Variants in SASH1 observed in about 807,000 individuals in gnomAD.
SASH1 encodes SAM and SH3 domain containing 1.
A neutral mutation model predicts 125.2 loss-of-function variants in SASH1; 44 were observed. The observed-to-expected ratio is 0.35, with a 90% confidence interval of 0.28 to 0.45. The LOEUF (loss-of-function observed/expected upper bound fraction) is 0.45, where lower values mean the gene tolerates loss of function less well. Ranked by LOEUF, SASH1 falls within the 20% of genes least tolerant of loss-of-function variation. The pLI is 1.00. For missense variants in SASH1, 1,426 were observed against 1,614.5 expected (o/e 0.88, Z 2.00); for synonymous variants, 639 against 649.1 (o/e 0.98, Z 0.24).
chr6:148,259,596 C>T, the SASH1 span, among the ~76,000 whole-genome samples: 2 of 152,182 alleles, frequency 1.3e-5, no homozygotes, highest in Non-Finnish European at 2.9e-5. Context: ...AGGGCTAGGT[C>T]TGTCCTGCTC....
At chr6:148,471,396 T>G in intron 5 of SASH1, 21 bp from the exon 6 acceptor site, 1 of 1,232,280 alleles carries the variant, frequency 8.1e-7, no homozygotes, top group East Asian at 2.6e-5. Flanking sequence ...CTTTTTTTTT[T>G]TTTTTTTTTT....
chr6:148,256,761 T>C, the SASH1 span, among the ~76,000 whole-genome samples: 1 of 152,216 alleles, frequency 6.6e-6, no homozygotes, highest in Non-Finnish European at 1.5e-5. Context: ...ATCTTGATTA[T>C]GGTATGACTA....
In SASH1 at chr6:148,519,597, G is replaced by A. The variant is rs1050414808; in HGVS notation, c.913G>A (p.Ala305Thr). 7.4e-6 allele frequency: 12 copies of A among 1,614,014 alleles called. No individual in the cohort carries two copies. The highest frequency in any genetic ancestry group is 4.4e-5 in the South Asian group (4 of 91,086). The change falls in exon 10 of 20, where the codon GCC becomes ACC. Residue 305 changes from alanine (A) to threonine (T), a missense_variant. Around this residue, in one of 3 missense-constraint regions of SASH1, gnomAD observed 567 missense variants for 575.6 expected, o/e 0.99. Transcript: ENST00000367467. This position sits in a 1 kb window ranked among gnomAD's most constrained non-coding sequence, Gnocchi z 4.8. ...TTCGCCGGTCCTGGATGAACGGTCC[G>A]CCCTCTACTCTGGCGTGCACAAGAA... Reference protein sequence around the residue: ...ENSPVLDERSALYSGVHKKPL... With the variant: ...ENSPVLDERSTLYSGVHKKPL...
chr6:148,247,696 A>G, the SASH1 span, among the ~76,000 whole-genome samples: 1 of 152,242 alleles, frequency 6.6e-6, no homozygotes, highest in Non-Finnish European at 1.5e-5. Flanking sequence ...ATAAACCTTT[A>G]TGAGTAAAAA....
chr6:148,242,091 A>G, the SASH1 span, among the ~76,000 whole-genome samples: 1 of 152,238 alleles, frequency 6.6e-6, no homozygotes, highest in South Asian at 2.1e-4. Context: ...CCACACACGG[A>G]CATCGTAAGA....
chr6:148,334,533 C>T (rs1485100709), intron 1 of SASH1, among the ~76,000 whole-genome samples: 6 of 151,238 alleles, frequency 4.0e-5, no homozygotes, highest in African/African-American at 1.5e-4. Context: ...AATTCGAGGC[C>T]GGGTGCAGTG....
intron 2 of SASH1, among the ~76,000 whole-genome samples, chr6:148,406,874 G>A (rs1784398973): frequency 6.6e-6 from 1 of 151,548 alleles, no homozygotes; most frequent in Non-Finnish European, 1.5e-5. Flanking sequence ...CTCCAAGGGA[G>A]GAGCAGAGAG....
chr6:148,214,970 G>T, the SASH1 span, among the ~76,000 whole-genome samples: 1 of 152,182 alleles, frequency 6.6e-6, no homozygotes. Context: ...CTGGTAGATG[G>T]ATGTAGAAGA....
intron 8 of SASH1, among the ~76,000 whole-genome samples, chr6:148,498,529 T>C (rs1254022077): frequency 6.6e-6 from 1 of 152,204 alleles, no homozygotes; most frequent in Non-Finnish European, 1.5e-5. Flanking sequence ...TAAGATAGAT[T>C]ACGGATACAA....
At chr6:148,222,853 A>G in the SASH1 span, among the ~76,000 whole-genome samples, 2 of 151,916 alleles carry the variant, frequency 1.3e-5, no homozygotes, top group Non-Finnish European at 2.9e-5. Flanking sequence ...AAACAAGGGA[A>G]TGGAAACTTC....
At chr6:148,486,828 G>A (rs1476266154) in intron 7 of SASH1, among the ~76,000 whole-genome samples, 1 of 147,500 alleles carries the variant, frequency 6.8e-6, no homozygotes, top group East Asian at 2.0e-4. Flanking sequence ...GGGATGCTGG[G>A]GTGGGATCGC....
intron 7 of SASH1, among the ~76,000 whole-genome samples, chr6:148,481,979 G>C (rs559513416): frequency 6.6e-6 from 1 of 152,122 alleles, no homozygotes; most frequent in African/African-American, 2.4e-5. Context: ...AATGAGGTGC[G>C]GCTGTACCAA....
intron 1 of SASH1, among the ~76,000 whole-genome samples, chr6:148,311,918 T>A (rs1323667468): frequency 6.6e-6 from 1 of 152,206 alleles, no homozygotes; most frequent in Non-Finnish European, 1.5e-5. Flanking sequence ...GGTAAACAGG[T>A]AAACTCTGGT....
intron 1 of SASH1, among the ~76,000 whole-genome samples, chr6:148,350,733 G>T (rs1050002650): frequency 6.6e-6 from 1 of 152,198 alleles, no homozygotes; most frequent in Non-Finnish European, 1.5e-5. Flanking sequence ...GAATCTAAAT[G>T]GACAGAGACT....
chr6:148,394,373 T>A (rs1443575714), intron 2 of SASH1, among the ~76,000 whole-genome samples: 1 of 152,346 alleles, frequency 6.6e-6, no homozygotes, highest in South Asian at 2.1e-4. Flanking sequence ...GATACAACAC[T>A]GTTAACCTAC....
chr6:148,498,381 G>T (rs540645047), intron 8 of SASH1, among the ~76,000 whole-genome samples: 1 of 151,494 alleles, frequency 6.6e-6, no homozygotes, highest in African/African-American at 2.4e-5. Flanking sequence ...AGCCTGGGTG[G>T]CAGAGCAAGA....
chr6:148,290,572 C>G (rs563542543), intron 1 of SASH1, among the ~76,000 whole-genome samples: 6 of 152,130 alleles, frequency 3.9e-5, no homozygotes, highest in African/African-American at 1.4e-4. Context: ...TGCCACTGCA[C>G]TCCAGCCTGG....
chr6:148,275,550 C>T (rs1779161897), intron 1 of SASH1, among the ~76,000 whole-genome samples: 1 of 152,196 alleles, frequency 6.6e-6, no homozygotes, highest in African/African-American at 2.4e-5. Context: ...CCACAAACCC[C>T]TCTAAGAAAA....
At chr6:148,354,539 A>C (rs1436529458) in intron 1 of SASH1, among the ~76,000 whole-genome samples, 1 of 151,820 alleles carries the variant, frequency 6.6e-6, no homozygotes, top group South Asian at 2.1e-4. Context: ...GCTATTTTTT[A>C]TGAGCTATTT....
Sources: allele counts gnomAD v4.1 joint callset (sites outside exome capture counted in the v4.1 genomes callset), GRCh38; gene constraint gnomAD v4.1.1; regional missense constraint gnomAD v4.1.1; non-coding constraint Gnocchi (gnomAD v3.1); transcripts MANE v1.5; gene names NCBI Gene and HGNC (gene_info 2026-07-23, HGNC 2026-07-21).